SLC4A4: variants seen among roughly 807,000 people sequenced by gnomAD.
The protein encoded by SLC4A4 is solute carrier family 4 member 4.
Under a neutral mutation model 111.5 loss-of-function variants are expected in SLC4A4, and 27 were observed. That is an observed-to-expected ratio of 0.24 (90% CI 0.18 to 0.33). The LOEUF is 0.33. Among genes scored for constraint, SLC4A4 ranks in the 10% least tolerant of loss-of-function variants. The probability of loss-of-function intolerance (pLI) is 1.00; values close to 1 mark genes in which losing one functional copy is unlikely to be tolerated. For missense variants in SLC4A4, 909 were observed against 1,315.5 expected, an observed-to-expected ratio of 0.69 and a Z score of 4.78; for synonymous variants, 443 against 463.4, an observed-to-expected ratio of 0.96 and a Z score of 0.57.
chr4:71,330,827 T>C (rs1202152974), intron 3 of SLC4A4, among the ~76,000 whole-genome samples: 6 of 151,916 alleles, frequency 3.9e-5, no homozygotes, highest in Non-Finnish European at 7.4e-5. Flanking sequence ...ATTTTTGCAA[T>C]CTACTCATCT....
intron 3 of SLC4A4, among the ~76,000 whole-genome samples, chr4:71,308,697 A>T (rs1306542458): frequency 6.6e-6 from 1 of 152,154 alleles, no homozygotes; most frequent in Non-Finnish European, 1.5e-5. Context: ...CGCTTCTCCC[A>T]TGGTTTTTGC....
At chr4:71,324,786 AGCTACGGTACAGATATTTCTTAAAAAT>A (rs1225957681) in intron 3 of SLC4A4, among the ~76,000 whole-genome samples, 2 of 152,040 alleles carry the variant, frequency 1.3e-5, no homozygotes, top group African/African-American at 2.4e-5. Flanking sequence ...TAAGATAAAA[AGCTACGGTACAGATATTTCTTAAAAAT>A]GTCTGAGTAA....
intron 1 of SLC4A4, among the ~76,000 whole-genome samples, chr4:71,077,144 C>T (rs1741856797): frequency 6.7e-6 from 1 of 148,482 alleles, no homozygotes; most frequent in African/African-American, 2.5e-5. Context: ...ATTAGTGGTC[C>T]TGGATTTTTA....
intron 2 of SLC4A4, among the ~76,000 whole-genome samples, chr4:71,252,807 TAA>T (rs1721155156): frequency 6.6e-6 from 1 of 152,204 alleles, no homozygotes; most frequent in Non-Finnish European, 1.5e-5. Context: ...GGAAATGTTC[TAA>T]AATTGGATTA....
At chr4:71,563,422 G>A (rs1312941297) in intron 23 of SLC4A4, among the ~76,000 whole-genome samples, 2 of 151,710 alleles carry the variant, frequency 1.3e-5, no homozygotes, top group Non-Finnish European at 1.5e-5. Context: ...TTTCAAGACC[G>A]TATTATAACC....
chr4:71,464,644 A>G (rs759681443), intron 12 of SLC4A4, among the ~76,000 whole-genome samples: 11 of 152,096 alleles, frequency 7.2e-5, no homozygotes, highest in African/African-American at 1.7e-4. Context: ...AGAGAAGCCA[A>G]TCTTACTATT....
intron 1 of SLC4A4, among the ~76,000 whole-genome samples, chr4:71,211,976 G>T (rs796685114): frequency 2.6e-5 from 4 of 152,118 alleles, no homozygotes; most frequent in African/African-American, 9.6e-5. Flanking sequence ...CCAAATTCAC[G>T]GATGTGATGA....
chr4:71,547,844 A>G, intron 20 of SLC4A4, 124 bp downstream of exon 20: 3 of 834,798 alleles, frequency 3.6e-6, no homozygotes, highest in Non-Finnish European at 6.2e-6. Flanking sequence ...ACACTGAAGC[A>G]GGGGTCAAGT....
chr4:71,124,926 A>T (rs1743522365), intron 2 of SLC4A4, among the ~76,000 whole-genome samples: 2 of 152,204 alleles, frequency 1.3e-5, no homozygotes, highest in Non-Finnish European at 2.9e-5. Context: ...AAATTTTGCT[A>T]ATGTTTCCTA....
At position 71,483,101 on chromosome 4, in the gene SLC4A4, ATCT is replaced by A. The variant is rs1254449127; in HGVS notation, c.1904-3841_1904-3839del. ...ATTTTGTTAATAATTATTTACTAAC[ATCT>A]TCTTCCTTTTGAGAATGGATTCATT... On this transcript the variant is annotated intron_variant, in intron 14 of 25. Transcript: ENST00000264485. 2.6e-5 allele frequency among the ~76,000 whole-genome samples: 4 copies of A among 151,696 alleles called. 1 individual carries two copies. Among genetic ancestry groups the A allele is most frequent in the East Asian group, 3.9e-4 (2 of 5,144 alleles).
At chr4:71,395,260 G>C (rs1719712091) in intron 6 of SLC4A4, among the ~76,000 whole-genome samples, 1 of 151,992 alleles carries the variant, frequency 6.6e-6, no homozygotes, top group Non-Finnish European at 1.5e-5. Flanking sequence ...GGTAGGGAGG[G>C]GGATGGAAAA....
At chr4:71,292,193 A>C (rs1200230790) in intron 3 of SLC4A4, among the ~76,000 whole-genome samples, 1 of 152,264 alleles carries the variant, frequency 6.6e-6, no homozygotes, top group Non-Finnish European at 1.5e-5. Flanking sequence ...AGGTGTAATT[A>C]GATGAAAATG....
chr4:71,136,784 C>G (rs1578513509), intron 2 of SLC4A4, among the ~76,000 whole-genome samples: 1 of 152,138 alleles, frequency 6.6e-6, no homozygotes, highest in South Asian at 2.1e-4. Flanking sequence ...TGGCATCCCT[C>G]TATAATCCCT....
intron 1 of SLC4A4, among the ~76,000 whole-genome samples, chr4:71,077,370 A>G (rs1385889884): frequency 6.6e-6 from 1 of 152,140 alleles, no homozygotes; most frequent in Non-Finnish European, 1.5e-5. Context: ...CATGTTGGCC[A>G]GGCTGGTCTC....
chr4:71,439,353 G>A (rs192689089), intron 7 of SLC4A4, among the ~76,000 whole-genome samples: 73 of 141,880 alleles, frequency 5.1e-4, no homozygotes, highest in African/African-American at 1.6e-3. Flanking sequence ...ACTTGAACCC[G>A]GGAGGCAAAG....
chr4:71,451,815 G>A (rs1725788140), intron 11 of SLC4A4, among the ~76,000 whole-genome samples: 1 of 152,032 alleles, frequency 6.6e-6, no homozygotes, highest in Non-Finnish European at 1.5e-5. Flanking sequence ...AGATGGCAGA[G>A]GACTGACAGA....
chr4:71,213,447 G>A (rs1011350963), intron 1 of SLC4A4, among the ~76,000 whole-genome samples: 6 of 152,100 alleles, frequency 3.9e-5, no homozygotes, highest in Non-Finnish European at 7.4e-5. Context: ...TTGAAAGCAG[G>A]GGACTCTTTT....
At chr4:71,516,655 G>T (rs936247471) in intron 16 of SLC4A4, among the ~76,000 whole-genome samples, 4 of 152,100 alleles carry the variant, frequency 2.6e-5, no homozygotes, top group African/African-American at 9.7e-5. Context: ...ACTGTGTAAG[G>T]GATGTGGACC....
chr4:71,552,853 T>TATGTAA (rs3078440), intron 20 of SLC4A4, among the ~76,000 whole-genome samples: 31,887 of 151,538 alleles, frequency 0.21, 4,309 homozygotes, highest in East Asian at 0.58. Context: ...CTACTATTAC[T>TATGTAA]ATGTAAATTA....
Sources: gnomAD v4.1 joint callset for allele counts (sites outside exome capture counted in the v4.1 genomes callset) on GRCh38, gnomAD v4.1.1 for gene constraint, MANE v1.5 for transcripts, NCBI Gene and HGNC (gene_info 2026-07-23, HGNC 2026-07-21) for gene names.